OR3A2: variants seen among roughly 807,000 people sequenced by gnomAD.
OR3A2 encodes the protein olfactory receptor 3A2.
For synonymous variants in OR3A2, 126 were observed against 159.3 expected, an observed-to-expected ratio of 0.79 and a Z score of 1.57; for missense variants, 318 against 392.8, an observed-to-expected ratio of 0.81 and a Z score of 1.61.
At chr17:3,306,312 CA>C (rs1168104650) in intron 3 of OR3A2, among the ~76,000 whole-genome samples, 1 of 152,098 alleles carries the variant, frequency 6.6e-6, no homozygotes, top group Non-Finnish European at 1.5e-5. Flanking sequence ...CCACCACAGT[CA>C]GCTAATTTTT....
chr17:3,294,438 TGAGAA>T (rs1206492781), intron 3 of OR3A2, among the ~76,000 whole-genome samples: 6 of 151,806 alleles, frequency 4.0e-5, no homozygotes, highest in Admixed American at 1.3e-4. Context: ...ATGACAGATA[TGAGAA>T]AAGACAAAGG....
At chr17:3,327,400 GTTGT>G (rs1171284115) in intron 3 of OR3A2, among the ~76,000 whole-genome samples, 2 of 95,100 alleles carry the variant, frequency 2.1e-5, no homozygotes, top group Non-Finnish European at 3.8e-5. Flanking sequence ...TTTTGATGGG[GTTGT>G]TTGTTTTTTT....
intron 2 of OR3A2, among the ~76,000 whole-genome samples, chr17:3,355,220 T>C (rs2049456084): frequency 6.6e-6 from 1 of 151,616 alleles, no homozygotes; most frequent in African/African-American, 2.4e-5. Context: ...ACCTAATATA[T>C]GGACTATCAT....
intron 3 of OR3A2, among the ~76,000 whole-genome samples, chr17:3,318,437 C>CTCATCAT (rs2049093925): frequency 6.6e-6 from 1 of 152,142 alleles, no homozygotes; most frequent in South Asian, 2.1e-4. Context: ...GAGTTTAAAA[C>CTCATCAT]GAGAATGCCT....
intron 2 of OR3A2, among the ~76,000 whole-genome samples, chr17:3,364,433 G>T (rs192554587): frequency 2.6e-5 from 4 of 152,196 alleles, no homozygotes; most frequent in African/African-American, 9.6e-5. Flanking sequence ...TCAATGGATT[G>T]CCAGAACTTA....
At chr17:3,324,017 T>A (rs558521499) in intron 3 of OR3A2, among the ~76,000 whole-genome samples, 4 of 152,250 alleles carry the variant, frequency 2.6e-5, no homozygotes, top group Admixed American at 1.3e-4. Context: ...GATTTGGTCT[T>A]TTCACGTAGT....
chr17:3,334,108 G>A (rs955583890), intron 3 of OR3A2, among the ~76,000 whole-genome samples: 1 of 152,160 alleles, frequency 6.6e-6, no homozygotes, highest in African/African-American at 2.4e-5. Context: ...AGAAACAACA[G>A]ATGCTGGCGA....
At chr17:3,357,994 T>G (rs997341495) in intron 2 of OR3A2, among the ~76,000 whole-genome samples, 1 of 151,684 alleles carries the variant, frequency 6.6e-6, no homozygotes, top group African/African-American at 2.4e-5. Flanking sequence ...ACTTAATAAC[T>G]GAAGCCTCTG....
At chr17:3,339,431 T>A (rs955176408) in intron 2 of OR3A2, among the ~76,000 whole-genome samples, 6 of 152,238 alleles carry the variant, frequency 3.9e-5, no homozygotes, top group Non-Finnish European at 5.9e-5. Flanking sequence ...TTATCTCTTA[T>A]TATTTTGAGA....
At position 3,369,856 on chromosome 17, in the gene OR3A2, T is replaced by C. The variant is rs529465851; in HGVS notation, c.-179+13948A>G. Among the ~76,000 whole-genome samples, 47 of 149,114 alleles carry C rather than the reference T, an allele frequency of 3.2e-4. 1 individual carries two copies. Among genetic ancestry groups the C allele is most frequent in the African/African-American group, 1.0e-3 (41 of 40,186 alleles). ...TCTGGCTCTATCACCCAGGCTGGAG[T>C]GCAGTGGCATAATCTCAGCTCACTG... On this transcript the variant is annotated intron_variant, in intron 2 of 4. Coordinates refer to the OR3A2 transcript ENST00000573491.
chr17:3,342,024 T>C (rs1229586009), intron 2 of OR3A2, among the ~76,000 whole-genome samples: 1 of 152,228 alleles, frequency 6.6e-6, no homozygotes, highest in Non-Finnish European at 1.5e-5. Flanking sequence ...TGATCTTCAA[T>C]CACTAATACT....
intron 2 of OR3A2, among the ~76,000 whole-genome samples, chr17:3,345,259 T>C (rs764514047): frequency 2.0e-5 from 3 of 152,152 alleles, no homozygotes; most frequent in Non-Finnish European, 4.4e-5. Context: ...CATCTACTAA[T>C]AGAGGTCAAC....
chr17:3,298,560 G>T (rs980845562), intron 3 of OR3A2, among the ~76,000 whole-genome samples: 6 of 152,178 alleles, frequency 3.9e-5, no homozygotes, highest in Non-Finnish European at 8.8e-5. Context: ...GCCCTGGCAT[G>T]GGAGAGTCCC....
chr17:3,292,328 C>G (rs1206726197), intron 3 of OR3A2: 1 of 1,614,106 alleles, frequency 6.2e-7, no homozygotes, highest in Admixed American at 1.7e-5. Context: ...GGAGACGACT[C>G]AACATTGATG....
chr17:3,287,679 C>T (rs563026170), upstream of OR3A2, among the ~76,000 whole-genome samples: 1 of 152,188 alleles, frequency 6.6e-6, no homozygotes, highest in South Asian at 2.1e-4. Flanking sequence ...TGGAGATTCT[C>T]AATTACATTA....
chr17:3,330,565 G>A (rs1275943915), intron 3 of OR3A2, among the ~76,000 whole-genome samples: 1 of 151,930 alleles, frequency 6.6e-6, no homozygotes, highest in Non-Finnish European at 1.5e-5. Context: ...CATTTGCTTG[G>A]TAGATCTTTC....
At chr17:3,323,745 T>G (rs1453051341) in intron 3 of OR3A2, among the ~76,000 whole-genome samples, 2 of 152,122 alleles carry the variant, frequency 1.3e-5, no homozygotes, top group East Asian at 3.8e-4. Context: ...TCTGATGGGC[T>G]TCCCTTTGTG....
chr17:3,307,586 C>G (rs904781912), intron 3 of OR3A2, among the ~76,000 whole-genome samples: 1 of 152,250 alleles, frequency 6.6e-6, no homozygotes, highest in African/African-American at 2.4e-5. Context: ...TAAAAGTCCT[C>G]TAACCCTTTA....
At chr17:3,352,415 T>C (rs1187402321) in intron 2 of OR3A2, among the ~76,000 whole-genome samples, 3 of 152,014 alleles carry the variant, frequency 2.0e-5, no homozygotes, top group Admixed American at 2.0e-4. Flanking sequence ...TAATCCATTT[T>C]GATTTGATTT....
Sources: gnomAD v4.1 joint callset for allele counts (sites outside exome capture counted in the v4.1 genomes callset) on GRCh38, gnomAD v4.1.1 for gene constraint, MANE v1.5 for transcripts, NCBI Gene and HGNC (gene_info 2026-07-23, HGNC 2026-07-21) for gene names.